PTK7: variants seen among roughly 807,000 people sequenced by gnomAD.
PTK7 encodes inactive tyrosine-protein kinase 7.
A neutral mutation model predicts 116.6 loss-of-function variants in PTK7; 39 were observed. That is an observed-to-expected ratio of 0.33 (90% CI 0.26 to 0.44). The LOEUF is 0.44. Among genes scored for constraint, PTK7 ranks in the 20% least tolerant of loss-of-function variants. The pLI is 1.00. For missense variants in PTK7, 1,169 were observed against 1,425.6 expected, an observed-to-expected ratio of 0.82 and a Z score of 2.90; for synonymous variants, 546 against 563.6, an observed-to-expected ratio of 0.97 and a Z score of 0.44.
chr6:43,129,866 TC>T lies in PTK7; in HGVS notation c.470+39del, dbSNP rs554887032. Reference sequence around the variant, plus strand: ...GGGAGGTGGGGATGAAGAGGGTTATTCCGGACAGGGATGTCTCCCCAAATCT... The same window carrying T: ...GGGAGGTGGGGATGAAGAGGGTTATTCGGACAGGGATGTCTCCCCAAATCT... On this transcript the variant is annotated intron_variant, in intron 3 of 19. Transcript: ENST00000230419. This position sits in a 1 kb window ranked among gnomAD's most constrained non-coding sequence, Gnocchi z 4.5. 212 of 1,587,558 alleles carry T rather than the reference TC, an allele frequency of 1.3e-4. No homozygotes were observed. Among genetic ancestry groups the T allele is most frequent in the Non-Finnish European group, 1.8e-4 (204 of 1,156,672 alleles).
intron 7 of PTK7, 107 bp downstream of exon 7, chr6:43,132,794 G>A (rs1769776692): frequency 2.0e-6 from 3 of 1,468,802 alleles, no homozygotes; most frequent in Non-Finnish European, 2.8e-6. Flanking sequence ...CTCAGTTCTG[G>A]GCCCTGCAGG....
rs565156761 is a variant in PTK7 at position 43,077,116 on chromosome 6, C to G, written c.79+549C>G. On this transcript the variant is annotated intron_variant, in intron 1 of 19. Transcript: ENST00000230419. ...GAGTTCCTGGGCAAAGCTGAGACCCCAGATGGCCCTGCGGGTGAGGGCGGA... is the reference window on the plus strand; with the variant it reads ...GAGTTCCTGGGCAAAGCTGAGACCCGAGATGGCCCTGCGGGTGAGGGCGGA... 1.3e-4 allele frequency: 142 copies of G among 1,059,684 alleles called. No homozygotes were observed. In the African/African-American group the frequency reaches 2.2e-3, roughly 17 times the overall value. The allele number at this position is 1,059,684 out of a possible 1,614,324, so 65.6% of individuals were successfully genotyped here.
chr6:43,123,561 A>G (rs1328242562), intron 1 of PTK7, among the ~76,000 whole-genome samples: 3 of 137,704 alleles, frequency 2.2e-5, no homozygotes, highest in Non-Finnish European at 4.7e-5. Context: ...GCCTGAGCCC[A>G]GAGAGCAACA....
chr6:43,154,807 T>C (rs201190748), intron 17 of PTK7, among the ~76,000 whole-genome samples: 1 of 152,214 alleles, frequency 6.6e-6, no homozygotes, highest in East Asian at 1.9e-4. Context: ...CCAGGGATGC[T>C]GAAGGGCCAG....
rs1167288368 is a variant in PTK7 at position 43,076,391 on chromosome 6, C to CGCCCGCGCTCCGGT, written c.-95_-82dup. The CGCCCGCGCTCCGGT allele has an allele frequency of 3.1e-6, 3 of 957,380 alleles. No homozygotes were observed. 59.3% of individuals were successfully genotyped at this position (957,380 alleles called of 1,614,324 possible). ...GCTCCGGCTGCGGCTGCTGCTGCGGCGCCCGCGCTCCGGTGCGCTCCGCCT... is the reference window on the plus strand; with the variant it reads ...GCTCCGGCTGCGGCTGCTGCTGCGGCGCCCGCGCTCCGGTGCCCGCGCTCCGGTGCGCTCCGCCT... On this transcript the variant is annotated 5_prime_UTR_variant, in exon 1 of 20. Coordinates refer to ENST00000230419, the MANE Select transcript of PTK7 (RefSeq NM_002821.5). This position sits in a 1 kb window ranked among gnomAD's most constrained non-coding sequence, Gnocchi z 5.7.
chr6:43,121,607 A>C (rs1439027204), intron 1 of PTK7, among the ~76,000 whole-genome samples: 1 of 149,250 alleles, frequency 6.7e-6, no homozygotes, highest in African/African-American at 2.4e-5. Context: ...CAGCTTGTCC[A>C]TCTTCAGTGA....
intron 17 of PTK7, among the ~76,000 whole-genome samples, chr6:43,149,951 G>A (rs1770971423): frequency 6.6e-6 from 1 of 152,218 alleles, no homozygotes; most frequent in African/African-American, 2.4e-5. Flanking sequence ...CATATTGGGT[G>A]TGAGTGGGCT....
At chr6:43,142,855 T>C in intron 13 of PTK7, 1 of 178,664 alleles carries the variant, frequency 5.6e-6, no homozygotes, top group East Asian at 1.5e-4. Flanking sequence ...TGGATGAAAA[T>C]GAACTGAGGA....
At chr6:43,105,914 TGTG>T (rs1423932324) in intron 1 of PTK7, among the ~76,000 whole-genome samples, 2 of 152,282 alleles carry the variant, frequency 1.3e-5, no homozygotes, top group African/African-American at 4.8e-5. Context: ...GCCACCCAGT[TGTG>T]GTAATTTGTT....
intron 1 of PTK7, among the ~76,000 whole-genome samples, chr6:43,077,915 G>A (rs896192982): frequency 5.9e-5 from 9 of 152,206 alleles, no homozygotes; most frequent in East Asian, 1.9e-4. Context: ...GAGTTGCCCC[G>A]TTTTTCTTGT....
chr6:43,115,946 A>AGG (rs374748137), intron 1 of PTK7, among the ~76,000 whole-genome samples: 25 of 68,694 alleles, frequency 3.6e-4, no homozygotes, highest in African/African-American at 1.5e-3. Context: ...AAAAAAAAAA[A>AGG]AGGCAGTGGG....
At chr6:43,086,833 A>G (rs1766685792) in intron 1 of PTK7, among the ~76,000 whole-genome samples, 4 of 152,164 alleles carry the variant, frequency 2.6e-5, no homozygotes, top group Admixed American at 2.6e-4. Flanking sequence ...CACCTGAGCG[A>G]GACCCTATCT....
chr6:43,130,050 C>G (rs931857357), intron 3 of PTK7, among the ~76,000 whole-genome samples, 180 bp from the exon 4 acceptor site: 1 of 151,176 alleles, frequency 6.6e-6, no homozygotes, highest in Non-Finnish European at 1.5e-5. Context: ...GATCTAATAT[C>G]AACTTGATTC....
In PTK7 at chr6:43,159,795, T is replaced by C. The variant is rs769994427; in HGVS notation, c.2881T>C (p.Tyr961His). ...LSKDVYNSEY[Y>H]HFRQAWVPLR... ...GTTGCTTCTCTCCTGCAGTGAGTAC[T>C]ACCACTTCCGCCAGGCCTGGGTGCC... Residue 961 changes from tyrosine (Y) to histidine (H), a missense_variant, in exon 19 of 20, where the codon TAC (tyrosine) becomes CAC (histidine). Around this residue, in one of 3 missense-constraint regions of PTK7, gnomAD observed 678 missense variants for 853.8 expected, o/e 0.79. Transcript: ENST00000230419. The C allele has an allele frequency of 5.6e-6, 9 of 1,614,100 alleles. No individual in the cohort carries two copies. In the Admixed American group the frequency reaches 6.7e-5, roughly 12 times the overall value.
intron 1 of PTK7, among the ~76,000 whole-genome samples, chr6:43,116,092 G>A (rs1348277652): frequency 6.6e-6 from 1 of 152,020 alleles, no homozygotes; most frequent in Non-Finnish European, 1.5e-5. Context: ...CTCTTTGTTT[G>A]TATCCCAGGT....
chr6:43,132,466 G>T lies in PTK7; in HGVS notation c.1007G>T (p.Gly336Val). 1 of 1,595,638 alleles carries T rather than the reference G, an allele frequency of 6.3e-7. No homozygotes were observed. Among genetic ancestry groups the T allele is most frequent in the Non-Finnish European group, 8.6e-7 (1 of 1,166,040 alleles). ...TTTGAGCCACGGGTGTTTACAGCTG[G>T]CAGCGAGGAGCGTGTGACCTGCCTT... ...PLFEPRVFTA[G>V]SEERVTCLPP... Residue 336 changes from glycine to valine, a missense_variant, in exon 7 of 20, where the codon GGC becomes GTC. Gly to Val is a moderately radical substitution (Grantham distance 109). This residue lies in a region of PTK7 where 487 missense variants were observed against 549.8 expected (regional missense o/e 0.89). Transcript: ENST00000230419.
At chr6:43,089,374 C>T (rs1788771178) in intron 1 of PTK7, among the ~76,000 whole-genome samples, 1 of 152,106 alleles carries the variant, frequency 6.6e-6, no homozygotes, top group South Asian at 2.1e-4. Flanking sequence ...TGGGCTGTTT[C>T]CCACCTAGAA....
intron 1 of PTK7, among the ~76,000 whole-genome samples, chr6:43,123,582 G>A (rs924778780): frequency 1.9e-4 from 25 of 129,650 alleles, no homozygotes; most frequent in African/African-American, 6.9e-4. Context: ...CGGAGGGTGG[G>A]CACCAGACCA....
chr6:43,093,157 C>G (rs62417470), intron 1 of PTK7, among the ~76,000 whole-genome samples: 1 of 147,142 alleles, frequency 6.8e-6, no homozygotes, highest in Non-Finnish European at 1.5e-5. Flanking sequence ...GGAAAGAATA[C>G]AGTGACTCTC....
Sources: allele counts gnomAD v4.1 joint callset (sites outside exome capture counted in the v4.1 genomes callset), GRCh38; gene constraint gnomAD v4.1.1; regional missense constraint gnomAD v4.1.1; non-coding constraint Gnocchi (gnomAD v3.1); transcripts MANE v1.5; gene names NCBI Gene and HGNC (gene_info 2026-07-23, HGNC 2026-07-21).